The following NECAB2 variants were observed in gnomAD, a reference collection of about 807,000 sequenced individuals.
The protein encoded by NECAB2 is N-terminal EF-hand calcium binding protein 2.
A neutral mutation model predicts 51.9 loss-of-function variants in NECAB2; 68 were observed. The ratio of observed to expected loss-of-function variants is 1.31; its 90% CI spans 1.08 to 1.60. The LOEUF (loss-of-function observed/expected upper bound fraction) is 1.60, where lower values mean the gene tolerates loss of function less well. Ranked by LOEUF, NECAB2 falls within the 40% of genes most tolerant of loss-of-function variation. The pLI, the probability that NECAB2 is intolerant of heterozygous loss-of-function variation, is 0.00. For synonymous variants in NECAB2, 329 were observed against 203.5 expected (o/e 1.62, Z -5.25); for missense variants, 854 against 490.3 (o/e 1.74, Z -7.00).
intron 3 of NECAB2, among the ~76,000 whole-genome samples, chr16:83,979,743 C>T (rs532098776): frequency 1.6e-4 from 21 of 131,906 alleles, no homozygotes; most frequent in African/African-American, 5.1e-4. Context: ...TGTGAGAGTA[C>T]GTGTGGGTGG....
chr16:83,999,349 A>T (rs533229840), intron 10 of NECAB2, among the ~76,000 whole-genome samples: 12 of 152,256 alleles, frequency 7.9e-5, no homozygotes, highest in South Asian at 4.1e-4. Context: ...CCATTACGTG[A>T]ATAAGTGGGA....
upstream of NECAB2, among the ~76,000 whole-genome samples, chr16:83,968,040 G>A (rs905084916): frequency 9.9e-5 from 15 of 152,096 alleles, no homozygotes; most frequent in Non-Finnish European, 1.9e-4. Context: ...ATGGGTGGAT[G>A]GAGTATGAAG....
intron 10 of NECAB2, among the ~76,000 whole-genome samples, chr16:83,999,483 A>G (rs35241658): frequency 0.13 from 20,037 of 151,986 alleles, 1,838 homozygotes; most frequent in African/African-American, 0.26. Context: ...TCTACTTCCC[A>G]GGCATGGTGC....
Position 83,980,833 on chromosome 16 carries a change from C to G in NECAB2, c.336-6C>G, listed in dbSNP as rs201000795. On this transcript the variant is annotated splice_region_variant and splice_polypyrimidine_tract_variant and intron_variant, in intron 3 of 12. Coordinates refer to ENST00000305202, the MANE Select transcript of NECAB2 (RefSeq NM_019065.3). The stretch of plus-strand genomic sequence containing the variant: ...TGTCTGTCTCTGCCTCTGTCTGTCT[C>G]TGCAGCCATGTGGACACCAAGGAGC... The G allele has an allele frequency of 3.8e-6, 6 of 1,581,902 alleles. No individual in the cohort carries two copies. The African/African-American group carries it at 5.4e-5, about 14-fold the overall frequency.
intron 2 of NECAB2, among the ~76,000 whole-genome samples, chr16:83,976,357 T>C (rs1828797090): frequency 6.6e-6 from 1 of 152,220 alleles, no homozygotes; most frequent in South Asian, 2.1e-4. Flanking sequence ...TGCCTCAGTT[T>C]ACCCCTCTCT....
intron 10 of NECAB2, among the ~76,000 whole-genome samples, chr16:84,000,414 G>A (rs72793653): frequency 0.056 from 8,551 of 152,126 alleles, 236 homozygotes; most frequent in East Asian, 0.11. Flanking sequence ...TCTAGTCCCC[G>A]CTACTTGGAA....
intron 3 of NECAB2, among the ~76,000 whole-genome samples, 196 bp downstream of exon 3, chr16:83,978,748 A>G (rs150250964): frequency 6.6e-6 from 1 of 152,176 alleles, no homozygotes; most frequent in Non-Finnish European, 1.5e-5. Flanking sequence ...ATTGGCTACT[A>G]TCGCAAGTGT....
intron 4 of NECAB2, 82 bp downstream of exon 4, chr16:83,980,946 G>C (rs2084479467): frequency 1.9e-6 from 3 of 1,608,460 alleles, no homozygotes; most frequent in Non-Finnish European, 1.7e-6. Flanking sequence ...GGGGAGGCTG[G>C]AGGTAGCGCA....
intron 6 of NECAB2, 147 bp from the exon 7 acceptor site, chr16:83,994,155 C>G (rs1305283502): frequency 5.9e-5 from 43 of 725,120 alleles, no homozygotes; most frequent in Non-Finnish European, 9.8e-5. Flanking sequence ...CTCATTTCCT[C>G]CTCTGTCAAA....
rs751225873 is a variant in NECAB2 at position 83,998,197 on chromosome 16, C to T, written c.850-8C>T. On this transcript the variant is annotated splice_region_variant and splice_polypyrimidine_tract_variant and intron_variant, in intron 9 of 12. Coordinates refer to ENST00000305202, the MANE Select transcript of NECAB2 (RefSeq NM_019065.3). ...GAGCCCCACACTGACTCCTGCTGTG[C>T]CCGGCAGCACCTGCAGCTGGTCCGG... The T allele has an allele frequency of 1.2e-6, 2 of 1,606,574 alleles. No homozygotes were observed. Among genetic ancestry groups the T allele is most frequent in the Non-Finnish European group, 8.5e-7 (1 of 1,179,680 alleles).
intron 5 of NECAB2, among the ~76,000 whole-genome samples, chr16:83,984,252 C>T (rs2084524397): frequency 6.6e-6 from 1 of 151,840 alleles, no homozygotes; most frequent in South Asian, 2.1e-4. Flanking sequence ...TCCTCGGCCT[C>T]CCAAAGTGCT....
intron 2 of NECAB2, among the ~76,000 whole-genome samples, chr16:83,978,201 GA>G (rs1567666194): frequency 6.6e-6 from 1 of 152,240 alleles, no homozygotes; most frequent in Non-Finnish European, 1.5e-5. Flanking sequence ...TTAGCTGGAT[GA>G]GGCATGATTC....
At chr16:83,999,856 A>ATGCTT (rs771494227) in intron 10 of NECAB2, among the ~76,000 whole-genome samples, 11 of 151,908 alleles carry the variant, frequency 7.2e-5, no homozygotes, top group Non-Finnish European at 1.5e-4. Context: ...AAGAGGGAAG[A>ATGCTT]TGCTTTGATT....
chr16:83,972,457 T>C (rs1243050347), intron 2 of NECAB2, among the ~76,000 whole-genome samples: 4 of 152,216 alleles, frequency 2.6e-5, no homozygotes, highest in Non-Finnish European at 5.9e-5. Flanking sequence ...TGGTAAGGGC[T>C]GGGTGTACTT....
intron 10 of NECAB2, 91 bp downstream of exon 10, chr16:83,998,408 T>A (rs2084752287): frequency 6.5e-6 from 8 of 1,235,940 alleles, no homozygotes; most frequent in Non-Finnish European, 9.1e-6. Context: ...TTGCCCTAAG[T>A]AGTACAAGTT....
chr16:83,984,380 C>G (rs1207615529), intron 5 of NECAB2, among the ~76,000 whole-genome samples: 1 of 150,466 alleles, frequency 6.6e-6, no homozygotes, highest in Non-Finnish European at 1.5e-5. Flanking sequence ...TTTTAAAAAT[C>G]TAAAACATTG....
chr16:83,997,575 C>T (rs1204271067), intron 9 of NECAB2, among the ~76,000 whole-genome samples: 2 of 144,660 alleles, frequency 1.4e-5, no homozygotes, highest in African/African-American at 2.6e-5. Flanking sequence ...GCAACCTCTG[C>T]CTCCTGGGTT....
intron 3 of NECAB2, among the ~76,000 whole-genome samples, chr16:83,979,854 A>G (rs903298256): frequency 5.3e-5 from 8 of 152,164 alleles, no homozygotes; most frequent in Non-Finnish European, 1.0e-4. Context: ...AGCCACGAAC[A>G]TTAGCCCCTT....
chr16:83,966,265 C>G (rs1169843759), upstream of NECAB2: 6 of 518,452 alleles, frequency 1.2e-5, no homozygotes, highest in African/African-American at 9.5e-5. Flanking sequence ...AGCTGAGCAC[C>G]CAGCCAGGAG....
Sources: gnomAD v4.1 joint callset for allele counts (sites outside exome capture counted in the v4.1 genomes callset) on GRCh38, gnomAD v4.1.1 for gene constraint, MANE v1.5 for transcripts, NCBI Gene and HGNC (gene_info 2026-07-23, HGNC 2026-07-21) for gene names.